Variants in SPTBN5 observed in about 807,000 individuals in gnomAD.
The protein encoded by SPTBN5 is spectrin beta, non-erythrocytic 5.
SPTBN5 carries 513 observed loss-of-function variants against 477.6 expected under a neutral mutation model. That is an observed-to-expected ratio of 1.07 (90% CI 1.00 to 1.16). SPTBN5 has a LOEUF of 1.16. Among genes scored for constraint, SPTBN5 ranks in the 50% most tolerant of loss-of-function variants. The pLI is 0.00. For missense variants in SPTBN5, 5,062 were observed against 4,731.8 expected (o/e 1.07, Z -2.05); for synonymous variants, 2,169 against 2,011.7 (o/e 1.08, Z -2.09).
At position 41,858,893 on chromosome 15, in the gene SPTBN5, C is replaced by T; in HGVS notation, c.8076G>A (p.Gln2692=). The T allele has an allele frequency of 6.3e-7, 1 of 1,587,556 alleles. No individual in the cohort carries two copies. The highest frequency in any genetic ancestry group is 8.6e-7 in the Non-Finnish European group (1 of 1,164,626). The change falls in exon 48 of 68, where the codon CAG becomes CAA. Residue 2692 remains glutamine, a synonymous_variant. Transcript: ENST00000320955. ...RQLQAFLQDS[Q]EVAAWLREKN... ...TCCCTCTCCAAGCGAGGCGAACCTC[C>T]TGGGAGTCCTGCAGGAAGGCCTGCA...
rs764582220 is a variant in SPTBN5, at chr15:41,866,399, T to G, written c.6575A>C (p.Gln2192Pro). The change falls in exon 37 of 68, where the codon CAG (glutamine) becomes CCG (proline). Residue 2192 changes from glutamine to proline, a missense_variant. Transcript: ENST00000320955. ...RDKLKPLLKHQAFEAEVQAHE... is the reference protein window; with the variant it reads ...RDKLKPLLKHPAFEAEVQAHE... ...GGCCTGGACTTCAGCCTCAAAGGCC[T>G]GGTGTTTCAGCAGGGGCTTCAGCTT... is the stretch of plus-strand genomic sequence containing the variant. 1 of 1,611,660 alleles carries G rather than the reference T, an allele frequency of 6.2e-7. No homozygotes were observed. The highest frequency in any genetic ancestry group is 1.1e-5 in the South Asian group (1 of 90,654).
At chr15:41,872,889 C>T (rs1189886312) in intron 26 of SPTBN5, among the ~76,000 whole-genome samples, 3 of 152,184 alleles carry the variant, frequency 2.0e-5, no homozygotes, top group East Asian at 1.9e-4. Flanking sequence ...AAGGTCCTGT[C>T]GCAGAACACA....
At chr15:41,891,812 G>A (rs959752833) in intron 3 of SPTBN5, among the ~76,000 whole-genome samples, 2 of 152,132 alleles carry the variant, frequency 1.3e-5, no homozygotes, top group African/African-American at 2.4e-5. Flanking sequence ...GTGTGTTTGC[G>A]GCAACTCCGT....
chr15:41,878,638 C>G lies in SPTBN5; in HGVS notation c.3183-9G>C. ...AGCCTGGCTCCTCGACCCTGGGAGA[C>G]AGGGTGCGCTGCACAGTCAGTGCCC... On this transcript the variant is annotated splice_polypyrimidine_tract_variant and intron_variant, in intron 16 of 67. Coordinates refer to ENST00000320955, the MANE Select transcript of SPTBN5 (RefSeq NM_016642.4). The G allele has an allele frequency of 6.2e-7, 1 of 1,607,016 alleles. No homozygotes were observed. Among genetic ancestry groups the G allele is most frequent in the Non-Finnish European group, 8.5e-7 (1 of 1,176,958 alleles).
Position 41,852,181 on chromosome 15 carries a change from C to A in SPTBN5, c.10584+1G>T. The A allele has an allele frequency of 6.3e-7, 1 of 1,588,180 alleles. No homozygotes were observed. Among genetic ancestry groups the A allele is most frequent in the Non-Finnish European group, 8.6e-7 (1 of 1,163,342 alleles). ...GCCTGCAGCCCCATAGGGACACCTG[C>A]CTGGGGGTCCCTCGTCTCAGCCAGC... On this transcript the variant is annotated splice_donor_variant, in intron 62 of 67. Transcript: ENST00000320955. LOFTEE classifies it high-confidence loss of function.
At chr15:41,851,616 C>T (rs2065767755) in intron 63 of SPTBN5, among the ~76,000 whole-genome samples, 163 bp downstream of exon 63, 1 of 149,642 alleles carries the variant, frequency 6.7e-6, no homozygotes, top group African/African-American at 2.5e-5. Context: ...GTGGCAGGAG[C>T]TGGGAAGGGT....
intron 12 of SPTBN5, among the ~76,000 whole-genome samples, chr15:41,881,447 A>G (rs980872098): frequency 6.6e-6 from 1 of 152,188 alleles, no homozygotes; most frequent in African/African-American, 2.4e-5. Flanking sequence ...TTTGATTTCC[A>G]CATCGTGTGC....
At chr15:41,882,232 G>GGCGCC in intron 11 of SPTBN5, 37 bp downstream of exon 11, 1 of 1,254,138 alleles carries the variant, frequency 8.0e-7, no homozygotes, top group Non-Finnish European at 1.1e-6. Context: ...GCCTCGCCGG[G>GGCGCC]CCCCGCCCCC....
In SPTBN5 at chr15:41,848,617, C is replaced by T. The variant is rs1825003282; in HGVS notation, c.11024G>A (p.Ter3675=). The T allele has an allele frequency of 1.2e-6, 2 of 1,613,812 alleles. No individual in the cohort carries two copies. The highest frequency in any genetic ancestry group is 1.7e-6 in the Non-Finnish European group (2 of 1,179,850). The change falls in exon 68 of 68, where the codon TGA becomes TAA. Residue 3675 remains the stop codon, a stop_retained_variant. Coordinates refer to ENST00000320955, the MANE Select transcript of SPTBN5 (RefSeq NM_016642.4). ...RPGCLLRSDP[*] ...TTTGGTGTTGCACTGGGGTTCACCTCAGGGATCAGACCTGTTGGGAAAACG... is the reference window on the plus strand; with the variant it reads ...TTTGGTGTTGCACTGGGGTTCACCTTAGGGATCAGACCTGTTGGGAAAACG...
At chr15:41,853,879 C>T (rs2065855294) in intron 57 of SPTBN5, 92 bp from the exon 58 acceptor site, 1 of 1,432,288 alleles carries the variant, frequency 7.0e-7, no homozygotes, top group Non-Finnish European at 9.3e-7. Flanking sequence ...TGAGGAACCA[C>T]CTCCACTCTG....
In SPTBN5 at chr15:41,861,872, G is replaced by T; in HGVS notation, c.7600C>A (p.Gln2534Lys). The T allele has an allele frequency of 6.2e-7, 1 of 1,608,588 alleles. No homozygotes were observed. The highest frequency in any genetic ancestry group is 8.5e-7 in the Non-Finnish European group (1 of 1,179,518). The change falls in exon 45 of 68, where the codon CAG becomes AAG. Residue 2534 changes from glutamine to lysine, a missense_variant. Transcript: ENST00000320955. ...GGGTGCCCCGCTGTGAGCAGTTGCT[G>T]CCCAGTGCTTCGGGCCAGGCTGATG... ...DSISLARSTG[Q>K]QLLTAGHPFS...
Position 41,890,272 on chromosome 15 carries a change from C to CT in SPTBN5, c.385-68dup. ...CCAGAGAGGACTCAGTCACCAAAAG[C>CT]TTAGGGGGCCAGCTGCGGGATGGGA... is the stretch of plus-strand genomic sequence containing the variant. On this transcript the variant is annotated intron_variant, in intron 3 of 67. Transcript: ENST00000320955. The CT allele has an allele frequency of 4.5e-6, 5 of 1,103,924 alleles. No individual in the cohort carries two copies. The East Asian group carries it at 1.3e-4, about 28-fold the overall frequency. The allele number at this position is 1,103,924 out of a possible 1,614,324, so 68.4% of individuals were successfully genotyped here.
rs756774685 is a variant in SPTBN5, at chr15:41,881,958, G to A, written c.2435C>T (p.Ser812Leu). 25 of 1,528,274 alleles carry A rather than the reference G, an allele frequency of 1.6e-5. No homozygotes were observed. The highest frequency in any genetic ancestry group is 2.0e-5 in the Non-Finnish European group (23 of 1,146,866). The allele number at this position is 1,528,274 out of a possible 1,614,324, so 94.7% of individuals were successfully genotyped here. The change falls in exon 12 of 68, where the codon TCG becomes TTG. Residue 812 changes from serine (S) to leucine (L), a missense_variant. Transcript: ENST00000320955. ...CACCGTGAATAACGACGCCCGGGCC[G>A]AGGCCGCCCGCCCCTGCTCCTCCAG... Reference protein sequence around the residue: ...RRLEEQGRAASARASLFTVNS... With the variant: ...RRLEEQGRAALARASLFTVNS...
At chr15:41,887,053 T>G (rs745646) in intron 6 of SPTBN5, among the ~76,000 whole-genome samples, 160 bp downstream of exon 6, 71,973 of 152,204 alleles carry the variant, frequency 0.47, 17,500 homozygotes, top group East Asian at 0.71. Context: ...AAGGGCCTTC[T>G]GTTATCCAGG....
chr15:41,882,820 C>T (rs1179405034), intron 9 of SPTBN5, 82 bp from the exon 10 acceptor site: 1 of 1,495,226 alleles, frequency 6.7e-7, no homozygotes, highest in Admixed American at 2.2e-5. Context: ...TTAGACACTC[C>T]CCTTAGACAG....
rs370340431 is a variant in SPTBN5 at position 41,862,180 on chromosome 15, G to A, written c.7498C>T (p.Arg2500Cys). 3.8e-5 allele frequency: 61 copies of A among 1,607,952 alleles called. 3 individuals carry two copies. Among genetic ancestry groups the A allele is most frequent in the South Asian group, 2.4e-4 (22 of 90,576 alleles). The part of the protein sequence containing the change: ...RAQMDTSPAP[R>C]SPVEARRMLE... ...ATACGCCGGGCTTCCACAGGGCTGC[G>A]AGGAGCGGGGCTCGTGTCCATCTGA... Residue 2500 changes from arginine (R) to cysteine (C), a missense_variant, in exon 44 of 68, where the codon CGC (arginine) becomes TGC (cysteine). Physicochemically the swap from Arg to Cys is radical, Grantham distance 180. Transcript: ENST00000320955.
At chr15:41,873,698 A>T in intron 25 of SPTBN5, 90 bp from the exon 26 acceptor site, 2 of 1,448,842 alleles carry the variant, frequency 1.4e-6, no homozygotes, top group Non-Finnish European at 1.9e-6. Flanking sequence ...TCCAGCATCA[A>T]AGGGGCTTCT....
chr15:41,887,225 C>T lies in SPTBN5; in HGVS notation c.876G>A (p.Arg292=), dbSNP rs1241725167. ...SRLHQGQTVQ[R]RLTKILLQLQ... The stretch of plus-strand genomic sequence containing the variant: ...CTTTCTCCCCCACCTTAGTGAGTCT[C>T]CTCTGGACAGTCTGCCCCTGATGCA... The change falls in exon 6 of 68, where the codon AGG becomes AGA. Residue 292 remains arginine, a synonymous_variant. Transcript: ENST00000320955. 1 of 1,551,486 alleles carries T rather than the reference C, an allele frequency of 6.4e-7. No homozygotes were observed. Among genetic ancestry groups the T allele is most frequent in the South Asian group, 1.2e-5 (1 of 84,044 alleles).
intron 64 of SPTBN5, 36 bp downstream of exon 64, chr15:41,851,247 C>A (rs1427237826): frequency 2.6e-6 from 4 of 1,553,708 alleles, no homozygotes; most frequent in Non-Finnish European, 2.6e-6. Flanking sequence ...CTTCCCAGCA[C>A]CCTGATGTCT....
Sources: allele counts gnomAD v4.1 joint callset (sites outside exome capture counted in the v4.1 genomes callset), GRCh38; gene constraint gnomAD v4.1.1; transcripts MANE v1.5; gene names NCBI Gene and HGNC (gene_info 2026-07-23, HGNC 2026-07-21).